LRRC37A3: variants seen among roughly 807,000 people sequenced by gnomAD.
The protein encoded by LRRC37A3 is leucine rich repeat containing 37 member A3.
In LRRC37A3, 25 loss-of-function variants were observed where a neutral mutation model predicts 106.2. The ratio of observed to expected loss-of-function variants is 0.24; its 90% CI spans 0.17 to 0.33. The LOEUF (loss-of-function observed/expected upper bound fraction) is 0.33. Among genes scored for constraint, LRRC37A3 ranks in the 10% least tolerant of loss-of-function variants. The pLI is 1.00. For synonymous variants in LRRC37A3, 305 were observed against 635.8 expected (o/e 0.48, Z 7.83); for missense variants, 712 against 1,644.9 (o/e 0.43, Z 9.81).
rs779346883 is a variant in LRRC37A3 at position 64,860,466 on chromosome 17, G to A, written c.3680C>T (p.Ala1227Val). The A allele has an allele frequency of 4.3e-5, 70 of 1,613,466 alleles. No individual in the cohort carries two copies. Among genetic ancestry groups the A allele is most frequent in the Admixed American group, 1.8e-4 (11 of 59,978 alleles). The change falls in exon 12 of 15, where the codon GCG becomes GTG. Residue 1227 changes from alanine (A) to valine (V), a missense_variant. Physicochemically the swap from Ala to Val is moderately conservative, Grantham distance 64 (BLOSUM62 0). Coordinates refer to ENST00000584306, the MANE Select transcript of LRRC37A3 (RefSeq NM_199340.5). ...PHTQQGPEKLAGNAVYTKPSF... is the reference protein window; with the variant it reads ...PHTQQGPEKLVGNAVYTKPSF... Reference sequence around the variant, plus strand: ...AGGCTTGGTGTAGACGGCGTTTCCCGCTAACTTCTCAGGCCCCTGCTGTGT... The same window carrying A: ...AGGCTTGGTGTAGACGGCGTTTCCCACTAACTTCTCAGGCCCCTGCTGTGT...
chr17:64,873,500 G>C (rs1055419141), intron 8 of LRRC37A3, among the ~76,000 whole-genome samples: 3 of 151,572 alleles, frequency 2.0e-5, no homozygotes, highest in Non-Finnish European at 2.9e-5. Context: ...TATGTTCAAA[G>C]AGATAAGAGA....
chr17:64,893,869 G>C (rs1163225148), intron 4 of LRRC37A3, among the ~76,000 whole-genome samples: 5 of 148,284 alleles, frequency 3.4e-5, no homozygotes, highest in African/African-American at 1.3e-4. Context: ...AGCCAGGATG[G>C]TCTTGATCTC....
intron 1 of LRRC37A3, 106 bp from the exon 2 acceptor site, chr17:64,918,976 G>A: frequency 8.3e-7 from 1 of 1,199,510 alleles, no homozygotes; most frequent in African/African-American, 1.6e-5. Flanking sequence ...CCAGGTGGCT[G>A]CCCCCGCCTC....
intron 2 of LRRC37A3, among the ~76,000 whole-genome samples, chr17:64,918,437 A>G (rs1192575624): frequency 1.3e-5 from 2 of 151,988 alleles, no homozygotes; most frequent in Non-Finnish European, 2.9e-5. Flanking sequence ...TGTAATTTGA[A>G]GAGAAAAAGG....
chr17:64,869,074 T>A (rs768522547), intron 9 of LRRC37A3, 21 bp downstream of exon 9: 2 of 1,592,286 alleles, frequency 1.3e-6, no homozygotes, highest in Non-Finnish European at 1.7e-6. Flanking sequence ...TCTTGACTCA[T>A]GAGAGTACTA....
chr17:64,901,363 G>A (rs1170955176), intron 2 of LRRC37A3: 1 of 150,296 alleles, frequency 6.7e-6, no homozygotes, highest in African/African-American at 2.5e-5. Context: ...AGACCACTGG[G>A]CTAGTAGACA....
At chr17:64,859,073 C>T (rs1343699228) in intron 12 of LRRC37A3, among the ~76,000 whole-genome samples, 190 bp from the exon 13 acceptor site, 2 of 152,076 alleles carry the variant, frequency 1.3e-5, no homozygotes, top group Non-Finnish European at 2.9e-5. Context: ...CCACCTCAGC[C>T]TCCCAAGTAG....
chr17:64,860,898 G>A lies in LRRC37A3; in HGVS notation c.3248C>T (p.Thr1083Ile). 6.2e-7 allele frequency: 1 copy of A among 1,614,160 alleles called. No homozygotes were observed. The highest frequency in any genetic ancestry group is 8.5e-7 in the Non-Finnish European group (1 of 1,180,012). ...CTCCTCCGGCTCAATAATCAGCTCAGTGCTTGTGTAATTCTTCCGGGCTTG... is the reference window on the plus strand; with the variant it reads ...CTCCTCCGGCTCAATAATCAGCTCAATGCTTGTGTAATTCTTCCGGGCTTG... ...VLQARKNYTS[T>I]ELIIEPEEPS... Residue 1083 changes from threonine to isoleucine, a missense_variant, in exon 12 of 15, where the codon ACT becomes ATT. Coordinates refer to ENST00000584306, the MANE Select transcript of LRRC37A3 (RefSeq NM_199340.5).
At chr17:64,869,346 G>C (rs1052016822) in intron 8 of LRRC37A3, among the ~76,000 whole-genome samples, 180 bp from the exon 9 acceptor site, 4 of 151,832 alleles carry the variant, frequency 2.6e-5, no homozygotes, top group Non-Finnish European at 4.4e-5. Context: ...AACTACCGAG[G>C]TCTCTAGAAG....
At chr17:64,901,534 G>C (rs1740429553) in intron 2 of LRRC37A3, among the ~76,000 whole-genome samples, 1 of 143,862 alleles carries the variant, frequency 7.0e-6, no homozygotes, top group Non-Finnish European at 1.5e-5. Flanking sequence ...AGGCAAACTA[G>C]AACTATAAGG....
In LRRC37A3 at chr17:64,866,801, T is replaced by TA. The variant is rs1305702496; in HGVS notation, c.3053+1660_3053+1661insT. On this transcript the variant is annotated intron_variant, in intron 10 of 14. Transcript: ENST00000584306. ...GTGTGCCACCACACCTGGCTGATTTTTATATATATATATATATATATATCC... is the reference window on the plus strand; with the variant it reads ...GTGTGCCACCACACCTGGCTGATTTTATATATATATATATATATATATATCC... Among the ~76,000 whole-genome samples the TA allele has an allele frequency of 5.4e-4, 67 of 124,714 alleles. No homozygotes were observed. In the East Asian group the frequency reaches 5.7e-3, roughly 11 times the overall value. 81.8% of individuals were successfully genotyped at this position (124,714 alleles called of 152,430 possible).
At chr17:64,870,273 G>C (rs964647731) in intron 8 of LRRC37A3, among the ~76,000 whole-genome samples, 1 of 151,772 alleles carries the variant, frequency 6.6e-6, no homozygotes, top group Non-Finnish European at 1.5e-5. Flanking sequence ...TGCCTGGCAT[G>C]ATGTCTGAAA....
chr17:64,866,166 T>C (rs1046142217), intron 10 of LRRC37A3, among the ~76,000 whole-genome samples: 15 of 151,516 alleles, frequency 9.9e-5, no homozygotes, highest in African/African-American at 3.6e-4. Context: ...TATCCAATAA[T>C]GGTCAAGAAA....
rs1972608473 is a variant in LRRC37A3 at position 64,854,474 on chromosome 17, C to A, written c.*125G>T. ...GGAAACAAGGGCAGGAACGATGGCCCTGTGCTTGCTCTGCCCGCTGCCTCT... is the reference window on the plus strand; with the variant it reads ...GGAAACAAGGGCAGGAACGATGGCCATGTGCTTGCTCTGCCCGCTGCCTCT... On this transcript the variant is annotated 3_prime_UTR_variant, in exon 15 of 15. Coordinates refer to ENST00000584306, the MANE Select transcript of LRRC37A3 (RefSeq NM_199340.5). 4 of 1,386,458 alleles carry A rather than the reference C, an allele frequency of 2.9e-6. No homozygotes were observed. In the South Asian group the frequency reaches 4.7e-5, roughly 16 times the overall value. 85.9% of individuals were successfully genotyped at this position (1,386,458 alleles called of 1,614,324 possible). A position where few individuals can be genotyped will look rare whatever the true frequency, so the allele number is the denominator to read the frequency against.
chr17:64,863,160 G>T (rs1972932974), intron 10 of LRRC37A3, 142 bp from the exon 11 acceptor site: 2 of 1,098,862 alleles, frequency 1.8e-6, no homozygotes, highest in Non-Finnish European at 2.7e-6. Context: ...GAACCAGAAG[G>T]CCAATAGGAA....
In LRRC37A3 at chr17:64,854,229, A is replaced by G; in HGVS notation, c.*370T>C. Reference sequence around the variant, plus strand: ...TCATGCGTGTGCTTGAGGGCTTGGGAAAAAGACAGGGCTTGGCCCCACAGT... The same window carrying G: ...TCATGCGTGTGCTTGAGGGCTTGGGGAAAAGACAGGGCTTGGCCCCACAGT... On this transcript the variant is annotated 3_prime_UTR_variant, in exon 15 of 15. Coordinates refer to ENST00000584306, the MANE Select transcript of LRRC37A3 (RefSeq NM_199340.5). 1 of 343,350 alleles carries G rather than the reference A, an allele frequency of 2.9e-6. No homozygotes were observed. The highest frequency in any genetic ancestry group is 5.3e-6 in the Non-Finnish European group (1 of 189,402). The allele number at this position is 343,350 out of a possible 1,614,324, so 21.3% of individuals were successfully genotyped here. A position where few individuals can be genotyped will look rare whatever the true frequency, so the allele number is the denominator to read the frequency against.
At chr17:64,909,005 C>T (rs1321080001) in intron 2 of LRRC37A3, among the ~76,000 whole-genome samples, 1 of 151,980 alleles carries the variant, frequency 6.6e-6, no homozygotes, top group Non-Finnish European at 1.5e-5. Context: ...AAACTCCTCA[C>T]CTCAGGTGAT....
chr17:64,881,010 A>G, intron 8 of LRRC37A3: 3 of 645,520 alleles, frequency 4.6e-6, no homozygotes, highest in Non-Finnish European at 8.3e-6. Flanking sequence ...AACTGGTTCC[A>G]TGGAAGAAGG....
chr17:64,905,063 A>G (rs1448753225), intron 2 of LRRC37A3, among the ~76,000 whole-genome samples: 4 of 150,832 alleles, frequency 2.7e-5, no homozygotes, highest in Non-Finnish European at 2.9e-5. Context: ...TTAATAAATC[A>G]ATGTATTAAA....
Sources: allele counts gnomAD v4.1 joint callset (sites outside exome capture counted in the v4.1 genomes callset), GRCh38; gene constraint gnomAD v4.1.1; transcripts MANE v1.5; gene names NCBI Gene and HGNC (gene_info 2026-07-23, HGNC 2026-07-21).